The following RBM27 variants were observed in gnomAD, a reference collection of about 807,000 sequenced individuals.
RBM27 encodes RNA binding motif protein 27.
Under a neutral mutation model 135.3 loss-of-function variants are expected in RBM27, and 22 were observed. The observed-to-expected ratio is 0.16, with a 90% CI of 0.12 to 0.23. RBM27 has a LOEUF of 0.23. RBM27 is among the 10% of genes least tolerant of loss of function. RBM27 has a pLI of 1.00. For synonymous variants in RBM27, 481 were observed against 442.4 expected, an observed-to-expected ratio of 1.09 and a Z score of -1.10; for missense variants, 1,009 against 1,281.0, an observed-to-expected ratio of 0.79 and a Z score of 3.24.
At chr5:146,270,686 T>C (rs1758825302) in intron 17 of RBM27, among the ~76,000 whole-genome samples, 1 of 152,224 alleles carries the variant, frequency 6.6e-6, no homozygotes. Flanking sequence ...GTGACAGTTA[T>C]TCTCAGCTCC....
At position 146,260,728 on chromosome 5, in the gene RBM27, A is replaced by G; in HGVS notation, c.1740-17A>G. On this transcript the variant is annotated splice_polypyrimidine_tract_variant and intron_variant, in intron 11 of 20. Transcript: ENST00000265271. Reference sequence around the variant, plus strand: ...GAAGTAGGAGAATTAACCAAGATGTATTAATCTTCCTTTTAGGCAAGGAAA... The same window carrying G: ...GAAGTAGGAGAATTAACCAAGATGTGTTAATCTTCCTTTTAGGCAAGGAAA... 6.3e-7 allele frequency: 1 copy of G among 1,588,708 alleles called. No individual in the cohort carries two copies. The highest frequency in any genetic ancestry group is 8.6e-7 in the Non-Finnish European group (1 of 1,168,782).
At chr5:146,235,550 T>C (rs977607337) in intron 7 of RBM27, among the ~76,000 whole-genome samples, 1 of 152,156 alleles carries the variant, frequency 6.6e-6, no homozygotes, top group Non-Finnish European at 1.5e-5. Flanking sequence ...AGCAAGACTT[T>C]GTCTCAAAAA....
chr5:146,205,304 C>G (rs1755585800), intron 1 of RBM27, among the ~76,000 whole-genome samples: 1 of 152,212 alleles, frequency 6.6e-6, no homozygotes, highest in African/African-American at 2.4e-5. Flanking sequence ...CTCCTCCTTG[C>G]TTCTGCTTTA....
At position 146,285,950 on chromosome 5, in the gene RBM27, A is replaced by G. The variant is rs751678867; in HGVS notation, c.3103A>G (p.Thr1035Ala). ...ATTTTAACCTCTCTTTCTTCAGGAA[A>G]CAGAAACCTCAGATTTGTTTTTGCC... ...TEEEEVKEEE[T>A]ETSDLFLPDD... The change falls in exon 21 of 21, where the codon ACA becomes GCA. Residue 1035 changes from threonine to alanine, a missense_variant. Around this residue, in one of 6 missense-constraint regions of RBM27, gnomAD observed 355 missense variants for 427.3 expected, o/e 0.83. Coordinates refer to ENST00000265271, the MANE Select transcript of RBM27 (RefSeq NM_018989.2). 12 of 1,611,786 alleles carry G rather than the reference A, an allele frequency of 7.4e-6. No homozygotes were observed. The highest frequency in any genetic ancestry group is 8.5e-7 in the Non-Finnish European group (1 of 1,178,436).
At chr5:146,275,530 G>C (rs1759060444) in intron 19 of RBM27, among the ~76,000 whole-genome samples, 1 of 152,082 alleles carries the variant, frequency 6.6e-6, no homozygotes, top group South Asian at 2.1e-4. Context: ...GCCTCCCAAA[G>C]TGCTAGGATT....
At chr5:146,208,293 T>G (rs1220466624) in intron 1 of RBM27, among the ~76,000 whole-genome samples, 1 of 152,194 alleles carries the variant, frequency 6.6e-6, no homozygotes, top group Non-Finnish European at 1.5e-5. Flanking sequence ...TTACAGTTGA[T>G]TATTCCCTAT....
At chr5:146,239,775 CT>C (rs754481130) in intron 8 of RBM27, among the ~76,000 whole-genome samples, 24,104 of 119,302 alleles carry the variant, frequency 0.2, 2,113 homozygotes, top group Admixed American at 0.29. Flanking sequence ...CACGCCTGGA[CT>C]TTTTTTTTTT....
chr5:146,235,811 C>T (rs925646366), intron 7 of RBM27, among the ~76,000 whole-genome samples: 1 of 152,084 alleles, frequency 6.6e-6, no homozygotes, highest in African/African-American at 2.4e-5. Flanking sequence ...CCTCAGTCTC[C>T]TGAGTAGCTG....
At chr5:146,270,337 TTAC>T (rs146446769) in intron 17 of RBM27, among the ~76,000 whole-genome samples, 9,965 of 152,174 alleles carry the variant, frequency 0.065, 370 homozygotes, top group African/African-American at 0.077. Flanking sequence ...ATATGTAGTA[TTAC>T]ATTAAATTTG....
rs1373085804 is a variant in RBM27, at chr5:146,243,597, G to A, written c.1279+6165G>A. On this transcript the variant is annotated intron_variant, in intron 8 of 20. Coordinates refer to ENST00000265271, the MANE Select transcript of RBM27 (RefSeq NM_018989.2). ...CTTTTGGATATGGGATACTCAACTC[G>A]TACTATAATTGGTAATTTCAAAAAG... Among the ~76,000 whole-genome samples the A allele has an allele frequency of 3.3e-5, 5 of 152,136 alleles. No individual in the cohort carries two copies. In the East Asian group the frequency reaches 7.7e-4, roughly 23 times the overall value.
chr5:146,271,287 C>G (rs1474794252), intron 18 of RBM27, among the ~76,000 whole-genome samples, 196 bp from the exon 19 acceptor site: 1 of 151,800 alleles, frequency 6.6e-6, no homozygotes. Context: ...GTAATCCCAG[C>G]TGCTTGGGAG....
At chr5:146,203,953 C>T (rs1389653189) in intron 1 of RBM27, 129 bp downstream of exon 1, 13 of 901,132 alleles carry the variant, frequency 1.4e-5, no homozygotes, top group Admixed American at 6.4e-5. Context: ...GCGACGCCTT[C>T]CCTGTAGTAC....
In RBM27 at chr5:146,267,763, A is replaced by G. The variant is rs755184508; in HGVS notation, c.2446A>G (p.Lys816Glu). Residue 816 changes from lysine (K) to glutamate (E), a missense_variant, in exon 15 of 21, where the codon AAA (lysine) becomes GAA (glutamate). Around this residue, in one of 6 missense-constraint regions of RBM27, gnomAD observed 355 missense variants for 427.3 expected, o/e 0.83. Coordinates refer to ENST00000265271, the MANE Select transcript of RBM27 (RefSeq NM_018989.2). ...SHDVQEVLKK[K>E]QEAMKLQQDM... ...TGATGTTCAAGAAGTGCTTAAAAAA[A>G]AACAGGTAACAGTCTTGATTCTTCT... 2.5e-6 allele frequency: 4 copies of G among 1,602,174 alleles called. No individual in the cohort carries two copies.
At chr5:146,276,941 A>G (rs867307531) in intron 19 of RBM27, among the ~76,000 whole-genome samples, 3 of 152,200 alleles carry the variant, frequency 2.0e-5, no homozygotes, top group Non-Finnish European at 4.4e-5. Context: ...TTTGTGAGCT[A>G]TGACCATTTA....
At chr5:146,228,851 A>T (rs558402203) in intron 3 of RBM27, 95 bp from the exon 4 acceptor site, 1 of 844,984 alleles carries the variant, frequency 1.2e-6, no homozygotes, top group Non-Finnish European at 1.9e-6. Context: ...GGCCTCAAGC[A>T]GTCTTCCCAC....
At chr5:146,256,231 C>G (rs1758092999) in intron 10 of RBM27, among the ~76,000 whole-genome samples, 1 of 148,918 alleles carries the variant, frequency 6.7e-6, no homozygotes, top group African/African-American at 2.5e-5. Context: ...ACTATTACCA[C>G]TATAAGAATA....
intron 9 of RBM27, 86 bp downstream of exon 9, chr5:146,251,961 T>C: frequency 7.1e-7 from 1 of 1,400,510 alleles, no homozygotes. Flanking sequence ...GGCATCCTGA[T>C]CTGCTGTTAC....
In RBM27 at chr5:146,214,719, T is replaced by G. The variant is rs79422590; in HGVS notation, c.60-4266T>G. ...TTCAATTAGTCTATTATTTTAGACT[T>G]ATAATTTTCTTCAGAGCGTACTTTA... On this transcript the variant is annotated intron_variant, in intron 1 of 20. Transcript: ENST00000265271. Among the ~76,000 whole-genome samples, 174 of 152,344 alleles carry G rather than the reference T, an allele frequency of 1.1e-3. 2 individuals carry two copies. The highest frequency in any genetic ancestry group is 2.2e-3 in the Non-Finnish European group (147 of 68,036).
At position 146,270,638 on chromosome 5, in the gene RBM27, T is replaced by C. The variant is rs142649694; in HGVS notation, c.2692-316T>C. On this transcript the variant is annotated intron_variant, in intron 17 of 20. Transcript: ENST00000265271. Reference sequence around the variant, plus strand: ...AAATACATTTTTACTATATAATTTATTTTGCTCCATTGTGTTTCATTTGTG... The same window carrying C: ...AAATACATTTTTACTATATAATTTACTTTGCTCCATTGTGTTTCATTTGTG... Among the ~76,000 whole-genome samples the C allele has an allele frequency of 7.1e-3, 1,078 of 152,316 alleles. 12 individuals carry two copies. The highest frequency in any genetic ancestry group is 0.025 in the African/African-American group (1,028 of 41,566).
Sources: allele counts gnomAD v4.1 joint callset (sites outside exome capture counted in the v4.1 genomes callset), GRCh38; gene constraint gnomAD v4.1.1; regional missense constraint gnomAD v4.1.1; transcripts MANE v1.5; gene names NCBI Gene and HGNC (gene_info 2026-07-23, HGNC 2026-07-21).